The following SGK3 variants were observed in gnomAD, a reference collection of about 807,000 sequenced individuals.
The protein encoded by SGK3 is serum/glucocorticoid regulated kinase family member 3, also known as serine/threonine-protein kinase Sgk3.
A neutral mutation model predicts 68.5 loss-of-function variants in SGK3; 47 were observed. The observed-to-expected ratio is 0.69, with a 90% CI of 0.54 to 0.87. SGK3 has a LOEUF of 0.87. SGK3 is among the 40% of genes least tolerant of loss of function. SGK3 has a pLI of 0.00. For synonymous variants in SGK3, 181 were observed against 189.1 expected (o/e 0.96, Z 0.35); for missense variants, 479 against 575.5 (o/e 0.83, Z 1.72).
At chr8:66,779,330 C>T (rs374489986) in intron 1 of SGK3, among the ~76,000 whole-genome samples, 3 of 151,804 alleles carry the variant, frequency 2.0e-5, no homozygotes, top group South Asian at 2.1e-4. Flanking sequence ...AAACTTGACT[C>T]GAGCTTGTGT....
chr8:66,812,516 C>T (rs1348433549), intron 4 of SGK3, among the ~76,000 whole-genome samples: 1 of 151,730 alleles, frequency 6.6e-6, no homozygotes, highest in Non-Finnish European at 1.5e-5. Flanking sequence ...TGAGATCGCG[C>T]CACTGCACTC....
rs765116436 is a variant in SGK3, at chr8:66,828,719, T to G, written c.467+16T>G. 1.7e-5 allele frequency: 27 copies of G among 1,613,808 alleles called. No individual in the cohort carries two copies. The highest frequency in any genetic ancestry group is 2.2e-5 in the Non-Finnish European group (26 of 1,179,948). On this transcript the variant is annotated intron_variant, in intron 7 of 16. Transcript: ENST00000521198. ...GAAATCCTCAGTATGTTTAATTTGC[T>G]TCAAACAATTTTTTAACTGAATTTT...
intron 1 of SGK3, among the ~76,000 whole-genome samples, chr8:66,781,999 T>G (rs1440537548): frequency 6.6e-6 from 1 of 152,246 alleles, no homozygotes; most frequent in Non-Finnish European, 1.5e-5. Flanking sequence ...TGTTTTGTTT[T>G]AAAATCTGTT....
At position 66,843,666 on chromosome 8, in the gene SGK3, C is replaced by G. The variant is rs1462071279; in HGVS notation, c.1074+119C>G. The G allele has an allele frequency of 8.5e-6, 9 of 1,063,064 alleles. No homozygotes were observed. The East Asian group carries it at 2.4e-4, about 28-fold the overall frequency. The allele number at this position is 1,063,064 out of a possible 1,614,324, so 65.9% of individuals were successfully genotyped here. On this transcript the variant is annotated intron_variant, in intron 14 of 16. Transcript: ENST00000521198. ...ATAACACTAACAGAGCAGTAATAGT[C>G]TGGTTAAATGAACCCAAACCCACAT...
rs1474538000 is a variant in SGK3, at chr8:66,802,128, GTC to G, written c.181-2239_181-2238del. 8.6e-5 allele frequency among the ~76,000 whole-genome samples: 13 copies of G among 151,364 alleles called. No individual in the cohort carries two copies. In the East Asian group the frequency reaches 2.1e-3, roughly 25 times the overall value. The stretch of plus-strand genomic sequence containing the variant: ...TTGTTCTTATTTCATCACTTTCTAT[GTC>G]TCTCTCTTTTTATGTACCTCCTTCT... On this transcript the variant is annotated intron_variant, in intron 3 of 16. Coordinates refer to ENST00000521198, the MANE Select transcript of SGK3 (RefSeq NM_001033578.3).
intron 1 of SGK3, among the ~76,000 whole-genome samples, chr8:66,762,849 A>G (rs1563614763): frequency 6.6e-6 from 1 of 152,230 alleles, no homozygotes; most frequent in Non-Finnish European, 1.5e-5. Context: ...ATGTCATTTG[A>G]CATGTACTTC....
intron 1 of SGK3, among the ~76,000 whole-genome samples, chr8:66,719,972 G>C (rs1804751370): frequency 6.6e-6 from 1 of 152,118 alleles, no homozygotes; most frequent in South Asian, 2.1e-4. Context: ...TGCTTTGTTG[G>C]TTAGAGAATC....
At chr8:66,783,532 G>GT (rs1265121714) in intron 1 of SGK3, among the ~76,000 whole-genome samples, 2 of 151,862 alleles carry the variant, frequency 1.3e-5, no homozygotes, top group African/African-American at 4.8e-5. Flanking sequence ...TTTTATTTTT[G>GT]TTTTTTAAGA....
chr8:66,737,459 C>T (rs1805353278), intron 1 of SGK3: 1 of 152,080 alleles, frequency 6.6e-6, no homozygotes, highest in South Asian at 2.1e-4. Context: ...CCCATTCCCC[C>T]AACATTGAAC....
intron 1 of SGK3, among the ~76,000 whole-genome samples, chr8:66,735,118 T>C (rs1392684913): frequency 6.6e-6 from 1 of 152,190 alleles, no homozygotes; most frequent in East Asian, 1.9e-4. Context: ...GGTATGTATA[T>C]ATAGGAAAAA....
chr8:66,819,363 A>G (rs980154128), intron 5 of SGK3, among the ~76,000 whole-genome samples: 1 of 152,186 alleles, frequency 6.6e-6, no homozygotes, highest in African/African-American at 2.4e-5. Context: ...TCAGACGAGT[A>G]ATTTTATTTT....
chr8:66,847,454 G>C, intron 15 of SGK3, 106 bp downstream of exon 15: 1 of 1,464,512 alleles, frequency 6.8e-7, no homozygotes, highest in African/African-American at 1.4e-5. Context: ...AATATGCGGA[G>C]AATAGCAACA....
chr8:66,752,291 C>G (rs916872687), intron 1 of SGK3, among the ~76,000 whole-genome samples: 28 of 152,042 alleles, frequency 1.8e-4, no homozygotes, highest in African/African-American at 6.8e-4. Flanking sequence ...GACCAACCAC[C>G]CTTGACTGCG....
intron 15 of SGK3, among the ~76,000 whole-genome samples, chr8:66,849,089 C>T (rs1016407174): frequency 3.3e-5 from 5 of 152,160 alleles, no homozygotes; most frequent in African/African-American, 9.7e-5. Context: ...AGTGCCCTGT[C>T]GTCCTAAACC....
intron 1 of SGK3, among the ~76,000 whole-genome samples, chr8:66,761,086 A>G (rs911536679): frequency 6.6e-6 from 1 of 151,826 alleles, no homozygotes; most frequent in East Asian, 1.9e-4. Flanking sequence ...TTACTGCTTT[A>G]TCAAGGACAT....
chr8:66,826,041 C>T (rs1049849801), intron 6 of SGK3, among the ~76,000 whole-genome samples: 3 of 151,874 alleles, frequency 2.0e-5, no homozygotes, highest in Non-Finnish European at 4.4e-5. Context: ...GGCTCAATCT[C>T]GGCTCACTGC....
intron 7 of SGK3, among the ~76,000 whole-genome samples, chr8:66,830,623 T>C (rs1466671171): frequency 2.0e-5 from 3 of 152,238 alleles, no homozygotes; most frequent in Admixed American, 2.0e-4. Flanking sequence ...ACCTGATAGG[T>C]TAAGTTAACA....
intron 1 of SGK3, among the ~76,000 whole-genome samples, chr8:66,771,199 A>ATAGCCTCTAGTACAACCCACTCTAT (rs1554596903): frequency 5.9e-5 from 9 of 152,194 alleles, no homozygotes; most frequent in Non-Finnish European, 1.3e-4. Context: ...TCTATTACCA[A>ATAGCCTCTAGTACAACCCACTCTAT]TAGCCTCTGG....
At chr8:66,850,140 G>A (rs1322631279) in intron 15 of SGK3, among the ~76,000 whole-genome samples, 1 of 152,074 alleles carries the variant, frequency 6.6e-6, no homozygotes, top group Non-Finnish European at 1.5e-5. Flanking sequence ...TAACCTCTTT[G>A]CCACCTCAGA....
Sources: allele counts gnomAD v4.1 joint callset (sites outside exome capture counted in the v4.1 genomes callset), GRCh38; gene constraint gnomAD v4.1.1; transcripts MANE v1.5; gene names NCBI Gene and HGNC (gene_info 2026-07-23, HGNC 2026-07-21).